NSD2: variants seen among roughly 807,000 people sequenced by gnomAD.
NSD2 encodes the protein histone-lysine N-methyltransferase NSD2.
A neutral mutation model predicts 139.0 loss-of-function variants in NSD2; 12 were observed. The observed-to-expected ratio is 0.09, with a 90% CI of 0.06 to 0.14. The LOEUF (loss-of-function observed/expected upper bound fraction) is 0.14, where lower values mean the gene tolerates loss of function less well. Among genes scored for constraint, NSD2 ranks in the 10% least tolerant of loss-of-function variants. NSD2 has a pLI of 1.00. For missense variants in NSD2, 1,155 were observed against 1,745.0 expected, an observed-to-expected ratio of 0.66 and a Z score of 6.02; for synonymous variants, 669 against 648.7, an observed-to-expected ratio of 1.03 and a Z score of -0.48.
chr4:1,874,092 AG>A (rs1236765670), intron 1 of NSD2, among the ~76,000 whole-genome samples: 1 of 152,264 alleles, frequency 6.6e-6, no homozygotes, highest in East Asian at 1.9e-4. Context: ...ATTAATCAGC[AG>A]CAACAGAAGC....
chr4:1,872,591 TGAGAGAGAGAGAGAGAGA>T (rs1200688066), intron 1 of NSD2, among the ~76,000 whole-genome samples: 584 of 44,924 alleles, frequency 0.013, 9 homozygotes, highest in East Asian at 0.073. Flanking sequence ...TGTGTGTGTG[TGAGAGAGAGAGAGAGAGA>T]GAGAGAGAGA....
At chr4:1,969,541 TAAAA>T (rs35256815) in intron 18 of NSD2, among the ~76,000 whole-genome samples, 1 of 132,606 alleles carries the variant, frequency 7.5e-6, no homozygotes. Flanking sequence ...TTGTCTCTAC[TAAAA>T]AAAAAAAAAA....
chr4:1,875,702 A>C (rs1324635964), intron 1 of NSD2, among the ~76,000 whole-genome samples: 2 of 151,380 alleles, frequency 1.3e-5, no homozygotes, highest in African/African-American at 4.9e-5. Context: ...GGAGGTCGAG[A>C]CCATCCTGGC....
intron 9 of NSD2, 53 bp from the exon 10 acceptor site, chr4:1,951,019 C>T (rs1724164938): frequency 6.2e-7 from 1 of 1,603,066 alleles, no homozygotes; most frequent in African/African-American, 1.3e-5. Context: ...AGGGCATGGC[C>T]ACCCGCTGTG....
chr4:1,979,067 G>A lies in NSD2; in HGVS notation c.*158G>A, dbSNP rs1416028631. The A allele has an allele frequency of 6.6e-6, 6 of 909,452 alleles. No individual in the cohort carries two copies. The highest frequency in any genetic ancestry group is 6.2e-6 in the Non-Finnish European group (4 of 642,064). 56.3% of individuals were successfully genotyped at this position (909,452 alleles called of 1,614,324 possible). A position where few individuals can be genotyped will look rare whatever the true frequency, so the allele number is the denominator to read the frequency against. ...GGAGGGAGCGCCTCCCCACCACTGA[G>A]CCATCCTCAGCAGCGTCCGCTGCGT... On this transcript the variant is annotated 3_prime_UTR_variant, in exon 22 of 22. Transcript: ENST00000508803.
In NSD2 at chr4:1,959,627, G is replaced by A. The variant is rs774234132; in HGVS notation, c.3142G>A (p.Ala1048Thr). Residue 1048 changes from alanine (A) to threonine (T), a missense_variant, in exon 17 of 22, where the codon GCG (alanine) becomes ACG (threonine). By Grantham distance (58) the Ala-to-Thr change is moderately conservative (BLOSUM62 0). Coordinates refer to ENST00000508803, the MANE Select transcript of NSD2 (RefSeq NM_001042424.3). ...MFECHPQVCP[A>T]GEFCQNQCFT... ...TGAGTGCCACCCGCAGGTGTGTCCC[G>A]CGGGCGAGTTCTGCCAGAACCAGTG... The A allele has an allele frequency of 5.6e-6, 9 of 1,613,980 alleles. No homozygotes were observed. Among genetic ancestry groups the A allele is most frequent in the Admixed American group, 3.3e-5 (2 of 59,996 alleles).
At chr4:1,894,794 G>A (rs775748189) in intron 1 of NSD2, among the ~76,000 whole-genome samples, 4 of 152,174 alleles carry the variant, frequency 2.6e-5, no homozygotes, top group South Asian at 2.1e-4. Context: ...GGGGGTATAC[G>A]TAACATAAAA....
chr4:1,925,731 C>T (rs1462202215), intron 5 of NSD2, among the ~76,000 whole-genome samples: 2 of 151,636 alleles, frequency 1.3e-5, no homozygotes, highest in Non-Finnish European at 2.9e-5. Flanking sequence ...TTTCTCCGTA[C>T]TAGTGAAGAA....
At chr4:1,923,648 G>C (rs868721504) in intron 5 of NSD2, among the ~76,000 whole-genome samples, 24 of 152,202 alleles carry the variant, frequency 1.6e-4, no homozygotes, top group African/African-American at 5.8e-4. Context: ...TGTTTTGAGA[G>C]AAATTTGGCA....
At chr4:1,946,769 C>A (rs1454755847) in intron 9 of NSD2, 3 of 1,049,026 alleles carry the variant, frequency 2.9e-6, no homozygotes, top group Non-Finnish European at 3.5e-6. Context: ...CATCTGATTC[C>A]TATACTGGAT....
rs756336608 is a variant in NSD2 at position 1,948,581 on chromosome 4, C to T, written c.1882-2491C>T. The T allele has an allele frequency of 2.8e-6, 3 of 1,064,236 alleles. No individual in the cohort carries two copies. Among genetic ancestry groups the T allele is most frequent in the South Asian group, 4.6e-5 (1 of 21,964 alleles). The allele number at this position is 1,064,236 out of a possible 1,614,324, so 65.9% of individuals were successfully genotyped here. A position where few individuals can be genotyped will look rare whatever the true frequency, so the allele number is the denominator to read the frequency against. ...GTGTGGTGGGAAAAAGTCGGAATCT[C>T]TGCAATCTGTGTCATGGACTGTACT... On this transcript the variant is annotated intron_variant, in intron 9 of 21. Coordinates refer to ENST00000508803, the MANE Select transcript of NSD2 (RefSeq NM_001042424.3). This position sits in a 1 kb window ranked among gnomAD's most constrained non-coding sequence, Gnocchi z 4.5.
At chr4:1,950,076 A>G (rs907231240) in intron 9 of NSD2, among the ~76,000 whole-genome samples, 11 of 152,380 alleles carry the variant, frequency 7.2e-5, no homozygotes, top group South Asian at 2.1e-4. Context: ...TTCATCTCCA[A>G]AATTCAGTGT....
intron 9 of NSD2, 59 bp from the exon 10 acceptor site, chr4:1,951,013 C>T (rs1173245067): frequency 6.3e-7 from 1 of 1,597,666 alleles, no homozygotes; most frequent in Non-Finnish European, 8.5e-7. Flanking sequence ...GCCTGCAGGG[C>T]ATGGCCACCC....
In NSD2 at chr4:1,896,892, C is replaced by T. The variant is rs549137730; in HGVS notation, c.-29-3734C>T. Reference sequence around the variant, plus strand: ...CCAACATAAGAAAGATAGTTAAACCCGGGTATGGTGGCTCACATCTGTAAT... The same window carrying T: ...CCAACATAAGAAAGATAGTTAAACCTGGGTATGGTGGCTCACATCTGTAAT... On this transcript the variant is annotated intron_variant, in intron 1 of 21. Coordinates refer to ENST00000508803, the MANE Select transcript of NSD2 (RefSeq NM_001042424.3). 6.4e-4 allele frequency among the ~76,000 whole-genome samples: 97 copies of T among 151,536 alleles called. No individual in the cohort carries two copies. In the South Asian group the frequency reaches 7.3e-3, roughly 11 times the overall value.
At chr4:1,952,782 G>T in intron 11 of NSD2, 1 of 1,132,258 alleles carries the variant, frequency 8.8e-7, no homozygotes, top group Non-Finnish European at 1.1e-6. Flanking sequence ...GGGTCTGTGA[G>T]GATGATGAGA....
At chr4:1,896,054 A>G (rs937011049) in intron 1 of NSD2, among the ~76,000 whole-genome samples, 2 of 152,194 alleles carry the variant, frequency 1.3e-5, no homozygotes, top group African/African-American at 2.4e-5. Flanking sequence ...CAGGACATGG[A>G]GTGAGGATGA....
intron 1 of NSD2, among the ~76,000 whole-genome samples, chr4:1,898,543 A>G (rs564936307): frequency 7.9e-5 from 12 of 151,910 alleles, no homozygotes; most frequent in African/African-American, 2.7e-4. Context: ...GGGCGCCTGT[A>G]GTCCCAGCTA....
At chr4:1,951,233 GTGCTGGTGTC>G in intron 10 of NSD2, 30 bp downstream of exon 10, 1 of 1,613,020 alleles carries the variant, frequency 6.2e-7, no homozygotes, top group Non-Finnish European at 8.5e-7. Flanking sequence ...CGCTATGTCC[GTGCTGGTGTC>G]TGACTGGGGC....
At position 1,972,531 on chromosome 4, in the gene NSD2, C is replaced by T. The variant is rs148228020; in HGVS notation, c.3373-2332C>T. ...TGTTCCCCATGGCATTCCTGTGACT[C>T]CAGCGGGGCCCAAACCCAGGCGGAT... On this transcript the variant is annotated intron_variant, in intron 18 of 21. Coordinates refer to ENST00000508803, the MANE Select transcript of NSD2 (RefSeq NM_001042424.3). This position sits in a 1 kb window ranked among gnomAD's most constrained non-coding sequence, Gnocchi z 4.0. Among the ~76,000 whole-genome samples, 52 of 152,334 alleles carry T rather than the reference C, an allele frequency of 3.4e-4. 1 individual carries two copies. The East Asian group carries it at 6.6e-3, about 19-fold the overall frequency.
Sources: gnomAD v4.1 joint callset for allele counts (sites outside exome capture counted in the v4.1 genomes callset) on GRCh38, gnomAD v4.1.1 for gene constraint, Gnocchi (gnomAD v3.1) non-coding constraint, MANE v1.5 for transcripts, NCBI Gene and HGNC (gene_info 2026-07-23, HGNC 2026-07-21) for gene names.